Variants in KIAA0319 observed in about 807,000 individuals in gnomAD.
KIAA0319 encodes dyslexia-associated protein KIAA0319.
In KIAA0319, 83 loss-of-function variants were observed where a neutral mutation model predicts 108.4. The ratio of observed to expected loss-of-function variants is 0.77; its 90% confidence interval spans 0.64 to 0.92. The LOEUF is 0.92. Ranked by LOEUF, KIAA0319 falls within the 40% of genes least tolerant of loss-of-function variation. The pLI is 0.00. For missense variants in KIAA0319, 1,195 were observed against 1,322.4 expected (o/e 0.90, Z 1.49); for synonymous variants, 484 against 510.4 (o/e 0.95, Z 0.70).
At position 24,599,570 on chromosome 6, in the gene KIAA0319, G is replaced by A. The variant is rs1001864113; in HGVS notation, c.55+1479C>T. 6 of 600,202 alleles carry A rather than the reference G, an allele frequency of 1.0e-5. No homozygotes were observed. Among genetic ancestry groups the A allele is most frequent in the African/African-American group, 9.2e-5 (5 of 54,416 alleles). The allele number at this position is 600,202 out of a possible 1,614,324, so 37.2% of individuals were successfully genotyped here. On this transcript the variant is annotated intron_variant, in intron 2 of 20. Transcript: ENST00000378214. The surrounding 1 kb of genome is among the most constrained non-coding windows in gnomAD (Gnocchi z 4.1). ...AGGAGAGCTGGCTGGAGTCTGGGAT[G>A]CAGAACATGAATATCCATACAAAGA... is the stretch of plus-strand genomic sequence containing the variant.
At chr6:24,563,929 G>A (rs577080476) in intron 15 of KIAA0319, among the ~76,000 whole-genome samples, 8 of 152,126 alleles carry the variant, frequency 5.3e-5, no homozygotes, top group Admixed American at 4.6e-4. Context: ...AGGCCCTTGT[G>A]TCCACTTCAC....
intron 10 of KIAA0319, among the ~76,000 whole-genome samples, chr6:24,573,520 G>T (rs1321195750): frequency 6.6e-6 from 1 of 152,128 alleles, no homozygotes; most frequent in Non-Finnish European, 1.5e-5. Flanking sequence ...AAGTTGGGTC[G>T]CATTCAAAAG....
chr6:24,569,476 T>C (rs1158612492), intron 12 of KIAA0319, among the ~76,000 whole-genome samples: 3 of 152,212 alleles, frequency 2.0e-5, no homozygotes, highest in African/African-American at 7.2e-5. Flanking sequence ...ATAGGAATAA[T>C]ATTCTTATTT....
Position 24,573,370 on chromosome 6 carries a change from C to A in KIAA0319, c.1735-672G>T, listed in dbSNP as rs903563025. Among the ~76,000 whole-genome samples the A allele has an allele frequency of 7.2e-5, 11 of 152,316 alleles. No homozygotes were observed. In the East Asian group the frequency reaches 2.1e-3, roughly 29 times the overall value. On this transcript the variant is annotated intron_variant, in intron 10 of 20. Transcript: ENST00000378214. ...CAGCAAAACATGGAAACAATCTACA[C>A]ATCCATCAACAGGAGGATGGTCAAA...
intron 18 of KIAA0319, 59 bp downstream of exon 18, chr6:24,556,548 C>T: frequency 1.9e-6 from 3 of 1,562,194 alleles, no homozygotes; most frequent in Non-Finnish European, 2.6e-6. Context: ...ATTTCTGATA[C>T]CTGAGAATGA....
chr6:24,624,558 C>A (rs1774445607), intron 1 of KIAA0319, among the ~76,000 whole-genome samples: 1 of 151,838 alleles, frequency 6.6e-6, no homozygotes, highest in Non-Finnish European at 1.5e-5. Flanking sequence ...AGAAGGAAAA[C>A]ATTGAGGAAA....
chr6:24,552,070 T>C (rs1183713297), intron 19 of KIAA0319, among the ~76,000 whole-genome samples: 2 of 152,004 alleles, frequency 1.3e-5, no homozygotes, highest in African/African-American at 4.8e-5. Context: ...CCTCATCCTA[T>C]GTACAGAGAC....
chr6:24,644,119 T>C (rs1777307380), intron 1 of KIAA0319, among the ~76,000 whole-genome samples: 2 of 152,148 alleles, frequency 1.3e-5, no homozygotes, highest in Non-Finnish European at 2.9e-5. Context: ...TCTGCGTGGG[T>C]TTTCTCTGGG....
At chr6:24,579,755 A>C in intron 8 of KIAA0319, 103 bp downstream of exon 8, 1 of 823,764 alleles carries the variant, frequency 1.2e-6, no homozygotes. Flanking sequence ...CGTTTATCAA[A>C]GTAACAGCCC....
intron 8 of KIAA0319, among the ~76,000 whole-genome samples, chr6:24,578,493 T>C (rs1765873252): frequency 6.6e-6 from 1 of 152,194 alleles, no homozygotes; most frequent in Non-Finnish European, 1.5e-5. Flanking sequence ...AGAAGCACAG[T>C]GACAGATGCT....
At chr6:24,542,892 C>T (rs1489978307), downstream of KIAA0319, among the ~76,000 whole-genome samples, 2 of 152,198 alleles carry the variant, frequency 1.3e-5, no homozygotes, top group South Asian at 4.1e-4. Context: ...ACCAACCAGG[C>T]GTCATCTGTA....
At chr6:24,548,425 G>A (rs995285620) in intron 20 of KIAA0319, among the ~76,000 whole-genome samples, 1 of 152,162 alleles carries the variant, frequency 6.6e-6, no homozygotes, top group Non-Finnish European at 1.5e-5. Flanking sequence ...CAAATGACAC[G>A]AACTTCCTGT....
At position 24,547,165 on chromosome 6, in the gene KIAA0319, T is replaced by G. The variant is rs1760734083; in HGVS notation, c.3219A>C (p.Ter1073TyrextTer6). Residue 1073 changes from the stop codon to tyrosine (Y), a stop_lost, in exon 21 of 21, where the codon TAA becomes TAC. Coordinates refer to ENST00000378214, the MANE Select transcript of KIAA0319 (RefSeq NM_014809.4). ...ASFSYCSKDR* is the reference protein window; with the variant it reads ...ASFSYCSKDRY ...TTCCACTTTACAATGAACTGCGCCA[T>G]TATCTGTCCTTTGAGCAATAACTGA... 6.2e-7 allele frequency: 1 copy of G among 1,614,102 alleles called. No individual in the cohort carries two copies. Among genetic ancestry groups the G allele is most frequent in the East Asian group, 2.2e-5 (1 of 44,884 alleles).
In KIAA0319 at chr6:24,544,144, G is replaced by A. The variant is rs1468585306; in HGVS notation, c.*3021C>T. 1.3e-5 allele frequency: 2 copies of A among 152,202 alleles called. No homozygotes were observed. Among genetic ancestry groups the A allele is most frequent in the South Asian group, 2.1e-4 (1 of 4,824 alleles). The allele number at this position is 152,202 out of a possible 1,614,324, so 9.4% of individuals were successfully genotyped here. On this transcript the variant is annotated 3_prime_UTR_variant, in exon 21 of 21. Transcript: ENST00000378214. ...AAACTTTATTTATGAACACAAATCT[G>A]AATGTCATATAGTTCACATGTTTCA...
chr6:24,641,987 G>A (rs1776961835), intron 1 of KIAA0319, among the ~76,000 whole-genome samples: 1 of 147,518 alleles, frequency 6.8e-6, no homozygotes, highest in Non-Finnish European at 1.5e-5. Context: ...CTGTACTTCA[G>A]CCTGGGTGAC....
At position 24,572,564 on chromosome 6, in the gene KIAA0319, C is replaced by T; in HGVS notation, c.1858+11G>A. ...AATCTCTGAGGCCAAATCTCTTTCT[C>T]CTCCACCTACCAGGCTGGACAATCA... On this transcript the variant is annotated intron_variant, in intron 11 of 20. Transcript: ENST00000378214. 1 of 1,608,240 alleles carries T rather than the reference C, an allele frequency of 6.2e-7. No individual in the cohort carries two copies. The highest frequency in any genetic ancestry group is 1.7e-5 in the Admixed American group (1 of 58,418).
intron 1 of KIAA0319, among the ~76,000 whole-genome samples, chr6:24,633,949 A>T (rs1582344395): frequency 1.3e-5 from 2 of 152,252 alleles, no homozygotes; most frequent in Admixed American, 1.3e-4. Context: ...ACAAAAAATT[A>T]ATGTGAATAG....
At chr6:24,579,023 T>C (rs1373122834) in intron 8 of KIAA0319, among the ~76,000 whole-genome samples, 1 of 152,228 alleles carries the variant, frequency 6.6e-6, no homozygotes, top group Non-Finnish European at 1.5e-5. Flanking sequence ...CTCTGTAAAT[T>C]TGCAGGCTTG....
At chr6:24,614,656 C>T (rs1045384855) in intron 1 of KIAA0319, among the ~76,000 whole-genome samples, 1 of 152,116 alleles carries the variant, frequency 6.6e-6, no homozygotes, top group Admixed American at 6.6e-5. Flanking sequence ...CTGGGTATGT[C>T]TGACATCATA....
Sources: allele counts gnomAD v4.1 joint callset (sites outside exome capture counted in the v4.1 genomes callset), GRCh38; gene constraint gnomAD v4.1.1; non-coding constraint Gnocchi (gnomAD v3.1); transcripts MANE v1.5; gene names NCBI Gene and HGNC (gene_info 2026-07-23, HGNC 2026-07-21).